MORC1: variants seen among roughly 807,000 people sequenced by gnomAD.
The protein encoded by MORC1 is MORC family CW-type zinc finger 1, also known as MORC family CW-type zinc finger protein 1.
MORC1 carries 59 observed loss-of-function variants against 134.9 expected under a neutral mutation model. The observed-to-expected ratio is 0.44, with a 90% CI of 0.35 to 0.54. The LOEUF (loss-of-function observed/expected upper bound fraction) is 0.54, where lower values mean the gene tolerates loss of function less well. MORC1 is among the 20% of genes least tolerant of loss of function. The pLI, the probability that MORC1 is intolerant of heterozygous loss-of-function variation, is 0.00. For missense variants in MORC1, 947 were observed against 1,134.5 expected (o/e 0.83, Z 2.37); for synonymous variants, 395 against 391.7 (o/e 1.01, Z -0.10).
intron 17 of MORC1, among the ~76,000 whole-genome samples, chr3:109,011,779 C>A (rs1948691928): frequency 1.3e-5 from 2 of 152,128 alleles, no homozygotes; most frequent in African/African-American, 4.8e-5. Context: ...CCTTGGCCTC[C>A]CAAAGTGCTA....
At chr3:108,988,182 A>G (rs1947947306) in intron 21 of MORC1, among the ~76,000 whole-genome samples, 1 of 152,138 alleles carries the variant, frequency 6.6e-6, no homozygotes, top group African/African-American at 2.4e-5. Flanking sequence ...CTCTCTCAGG[A>G]AGCAGGTTAA....
chr3:109,074,540 T>C (rs570898084), intron 8 of MORC1, among the ~76,000 whole-genome samples: 1 of 152,330 alleles, frequency 6.6e-6, no homozygotes, highest in African/African-American at 2.4e-5. Flanking sequence ...AGAAGTACTT[T>C]ACAAAATCTT....
chr3:109,084,520 T>C (rs1383719024), intron 8 of MORC1, among the ~76,000 whole-genome samples: 5 of 152,086 alleles, frequency 3.3e-5, no homozygotes, highest in Non-Finnish European at 7.4e-5. Flanking sequence ...TGAAACATAA[T>C]GGAGATATTC....
At chr3:108,969,026 T>C (rs1947297239) in intron 26 of MORC1, among the ~76,000 whole-genome samples, 1 of 151,886 alleles carries the variant, frequency 6.6e-6, no homozygotes, top group African/African-American at 2.4e-5. Context: ...ACTTCTGTAG[T>C]AGAACTGAAG....
At chr3:109,067,521 A>G (rs1950224649) in intron 9 of MORC1, among the ~76,000 whole-genome samples, 1 of 152,218 alleles carries the variant, frequency 6.6e-6, no homozygotes, top group African/African-American at 2.4e-5. Flanking sequence ...CAATTTACTA[A>G]AACTCCCTCA....
chr3:109,067,861 T>C (rs887903121), intron 9 of MORC1, among the ~76,000 whole-genome samples: 2 of 152,160 alleles, frequency 1.3e-5, no homozygotes, highest in Admixed American at 6.5e-5. Flanking sequence ...ATTTTTAGTA[T>C]TAATATCTTT....
chr3:109,028,240 C>G (rs969149452), intron 16 of MORC1, among the ~76,000 whole-genome samples: 4 of 151,882 alleles, frequency 2.6e-5, no homozygotes, highest in Non-Finnish European at 5.9e-5. Context: ...CATTTCCCCC[C>G]CCAAAAAAGG....
chr3:109,000,793 G>A lies in MORC1; in HGVS notation c.2086-135C>T, dbSNP rs1024356485. Reference sequence around the variant, plus strand: ...GATATATAGCGAAAATTCAATTTCCGATCTTTGTGTATGATAAGCGCTTGA... The same window carrying A: ...GATATATAGCGAAAATTCAATTTCCAATCTTTGTGTATGATAAGCGCTTGA... On this transcript the variant is annotated intron_variant, in intron 20 of 27. Coordinates refer to ENST00000232603, the MANE Select transcript of MORC1 (RefSeq NM_014429.4). 61 of 624,256 alleles carry A rather than the reference G, an allele frequency of 9.8e-5. 1 individual carries two copies. In the South Asian group the frequency reaches 1.3e-3, roughly 14 times the overall value. 38.7% of individuals were successfully genotyped at this position (624,256 alleles called of 1,614,324 possible). A position where few individuals can be genotyped will look rare whatever the true frequency, so the allele number is the denominator to read the frequency against.
At chr3:109,009,842 G>A (rs1043333772) in intron 17 of MORC1, among the ~76,000 whole-genome samples, 6 of 151,944 alleles carry the variant, frequency 3.9e-5, no homozygotes, top group Admixed American at 6.6e-5. Flanking sequence ...AAGTTTTACC[G>A]TTTTCCTGAA....
chr3:109,016,727 G>A (rs1948823022), intron 17 of MORC1, among the ~76,000 whole-genome samples: 1 of 152,140 alleles, frequency 6.6e-6, no homozygotes, highest in Admixed American at 6.5e-5. Context: ...AACCAGGCAT[G>A]GTGGCGGGCG....
chr3:109,005,899 G>T (rs144472125), intron 18 of MORC1, among the ~76,000 whole-genome samples: 1 of 151,982 alleles, frequency 6.6e-6, no homozygotes, highest in Non-Finnish European at 1.5e-5. Context: ...AACCCTCTCC[G>T]CAACAGTGCT....
intron 14 of MORC1, among the ~76,000 whole-genome samples, chr3:109,040,432 GAAAGAAA>G (rs1559912659): frequency 5.5e-4 from 50 of 90,862 alleles, no homozygotes; most frequent in Non-Finnish European, 6.1e-4. Flanking sequence ...AGGAAGGAAA[GAAAGAAA>G]GAAAGAAAGA....
At chr3:109,055,123 T>G (rs1214106022) in intron 13 of MORC1, among the ~76,000 whole-genome samples, 2 of 152,118 alleles carry the variant, frequency 1.3e-5, no homozygotes, top group Non-Finnish European at 1.5e-5. Context: ...ATACGACTCG[T>G]TTTACAAATC....
At chr3:109,072,324 C>T (rs1431836669) in intron 8 of MORC1, among the ~76,000 whole-genome samples, 1 of 152,154 alleles carries the variant, frequency 6.6e-6, no homozygotes, top group Non-Finnish European at 1.5e-5. Flanking sequence ...GCTTGGCGCA[C>T]CCCTTTTCAC....
chr3:109,105,857 T>G (rs1310205855), intron 3 of MORC1, among the ~76,000 whole-genome samples: 1 of 152,200 alleles, frequency 6.6e-6, no homozygotes, highest in Non-Finnish European at 1.5e-5. Context: ...TGTAAACTTT[T>G]AGGATCCGGA....
chr3:108,983,193 C>T (rs1947796230), intron 23 of MORC1, among the ~76,000 whole-genome samples: 2 of 151,138 alleles, frequency 1.3e-5, no homozygotes, highest in African/African-American at 2.4e-5. Context: ...CATGAGAAGA[C>T]CTGGCAACAG....
intron 22 of MORC1, among the ~76,000 whole-genome samples, chr3:108,985,013 C>CT (rs894738670): frequency 5.9e-5 from 9 of 151,978 alleles, no homozygotes; most frequent in East Asian, 3.9e-4. Context: ...GAGAGTGTAG[C>CT]TTTTTTTTGG....
intron 8 of MORC1, among the ~76,000 whole-genome samples, chr3:109,085,918 A>T (rs367636941): frequency 1.3e-5 from 2 of 152,280 alleles, no homozygotes; most frequent in East Asian, 1.9e-4. Context: ...GCCATAAAAA[A>T]GTATGAAATC....
chr3:108,968,878 G>A (rs145646780), intron 26 of MORC1, among the ~76,000 whole-genome samples: 2 of 152,134 alleles, frequency 1.3e-5, no homozygotes, highest in Non-Finnish European at 2.9e-5. Flanking sequence ...ATGAATCTGG[G>A]AATCTTCATG....
Sources: gnomAD v4.1 joint callset for allele counts (sites outside exome capture counted in the v4.1 genomes callset) on GRCh38, gnomAD v4.1.1 for gene constraint, MANE v1.5 for transcripts, NCBI Gene and HGNC (gene_info 2026-07-23, HGNC 2026-07-21) for gene names.